ARHGEF1: variants seen among roughly 807,000 people sequenced by gnomAD.
ARHGEF1 encodes the protein Rho guanine nucleotide exchange factor 1.
Under a neutral mutation model 119.7 loss-of-function variants are expected in ARHGEF1, and 40 were observed. The observed-to-expected ratio is 0.33, with a 90% confidence interval of 0.26 to 0.44. The LOEUF is 0.44. Among genes scored for constraint, ARHGEF1 ranks in the 20% least tolerant of loss-of-function variants. The probability of loss-of-function intolerance (pLI) is 1.00; values close to 1 mark genes in which losing one functional copy is unlikely to be tolerated. For missense variants in ARHGEF1, 976 were observed against 1,268.3 expected (o/e 0.77, Z 3.50); for synonymous variants, 494 against 521.0 (o/e 0.95, Z 0.71).
upstream of ARHGEF1, among the ~76,000 whole-genome samples, chr19:41,918,359 C>G (rs2074814974): frequency 6.6e-6 from 1 of 150,894 alleles, no homozygotes. Context: ...ACCATACACA[C>G]ACCATACCAC....
chr19:41,897,083 C>A (rs1350130722), intron 13 of ARHGEF1: 1 of 371,040 alleles, frequency 2.7e-6, no homozygotes, highest in Non-Finnish European at 5.2e-6. Flanking sequence ...TTCAAGCCCC[C>A]CTGCCCCCTG....
chr19:41,907,326 C>T lies in ARHGEF1; in HGVS notation c.*239C>T, dbSNP rs782695955. On this transcript the variant is annotated 3_prime_UTR_variant, in exon 29 of 29. Transcript: ENST00000354532. The stretch of plus-strand genomic sequence containing the variant: ...CAGGGCTCCATTCTGGAGGGCACCA[C>T]GGTGACCCGGGCCATCTCAGTATTG... 2.8e-5 allele frequency: 43 copies of T among 1,534,314 alleles called. No homozygotes were observed. The highest frequency in any genetic ancestry group is 3.6e-5 in the South Asian group (3 of 83,806).
intron 18 of ARHGEF1, among the ~76,000 whole-genome samples, chr19:41,915,688 C>T (rs2145894769): frequency 6.6e-6 from 1 of 152,122 alleles, no homozygotes; most frequent in East Asian, 1.9e-4. Flanking sequence ...TCCATGTCTC[C>T]ATCTCCATGT....
chr19:41,929,044 G>GAC (rs375162123), intron 2 of ARHGEF1: 10 of 379,078 alleles, frequency 2.6e-5, no homozygotes, highest in South Asian at 7.5e-5. Context: ...GACAGACACA[G>GAC]ACACACACAC....
intron 14 of ARHGEF1, among the ~76,000 whole-genome samples, chr19:41,899,986 T>G (rs1247874856): frequency 1.3e-5 from 2 of 151,898 alleles, no homozygotes; most frequent in African/African-American, 4.8e-5. Flanking sequence ...GAAATGTGCT[T>G]TATTTGTACT....
intron 1 of ARHGEF1, among the ~76,000 whole-genome samples, chr19:41,927,506 A>G (rs2074878522): frequency 1.3e-5 from 2 of 151,874 alleles, no homozygotes; most frequent in African/African-American, 4.8e-5. Context: ...CCAGATATCC[A>G]CACCCCCAGT....
Position 41,883,789 on chromosome 19 carries a change from G to C in ARHGEF1, c.-20+500G>C, listed in dbSNP as rs1432024128. Among the ~76,000 whole-genome samples, 1 of 152,238 alleles carries C rather than the reference G, an allele frequency of 6.6e-6. No homozygotes were observed. The highest frequency in any genetic ancestry group is 1.5e-5 in the Non-Finnish European group (1 of 68,040). ...AAGCTGAAAGTTGCAGAGTGCATTT[G>C]AAAGAGTTTTCGGAAAGCTCTTTTC... On this transcript the variant is annotated intron_variant, in intron 1 of 28. Transcript: ENST00000354532. This position sits in a 1 kb window ranked among gnomAD's most constrained non-coding sequence, Gnocchi z 7.6.
At position 41,892,340 on chromosome 19, in the gene ARHGEF1, G is replaced by A. The variant is rs1477750164; in HGVS notation, c.334G>A (p.Val112Met). The change falls in exon 6 of 29, where the codon GTG becomes ATG. Residue 112 changes from valine (V) to methionine (M), a missense_variant. This residue lies in a region of ARHGEF1 where 519 missense variants were observed against 580.9 expected (regional missense o/e 0.89). Coordinates refer to ENST00000354532, the MANE Select transcript of ARHGEF1 (RefSeq NM_004706.4). This position sits in a 1 kb window ranked among gnomAD's most constrained non-coding sequence, Gnocchi z 6.3. Reference protein sequence around the residue: ...SFLEKTAVLRVPVPPNVAFEL... With the variant: ...SFLEKTAVLRMPVPPNVAFEL... ...TCTCTCTCTTGAGCAGGTTCTCCGG[G>A]TGCCGGTCCCTCCCAACGTCGCCTT... is the stretch of plus-strand genomic sequence containing the variant. 1 of 1,613,836 alleles carries A rather than the reference G, an allele frequency of 6.2e-7. No individual in the cohort carries two copies. The highest frequency in any genetic ancestry group is 8.5e-7 in the Non-Finnish European group (1 of 1,180,042).
Position 41,906,303 on chromosome 19 carries a change from C to T in ARHGEF1, c.2492-154C>T, listed in dbSNP as rs549360747. 1 of 776,696 alleles carries T rather than the reference C, an allele frequency of 1.3e-6. No homozygotes were observed. The highest frequency in any genetic ancestry group is 2.1e-6 in the Non-Finnish European group (1 of 485,852). 48.1% of individuals were successfully genotyped at this position (776,696 alleles called of 1,614,324 possible). ...AACCCTAAACCCAGCCTCACTTCTTCACCTCCCTTTGGATCCCCGAACCCC... is the reference window on the plus strand; with the variant it reads ...AACCCTAAACCCAGCCTCACTTCTTTACCTCCCTTTGGATCCCCGAACCCC... On this transcript the variant is annotated intron_variant, in intron 26 of 28. Coordinates refer to ENST00000354532, the MANE Select transcript of ARHGEF1 (RefSeq NM_004706.4). This position sits in a 1 kb window ranked among gnomAD's most constrained non-coding sequence, Gnocchi z 4.5.
In ARHGEF1 at chr19:41,907,257, T is replaced by C. The variant is rs1555850520; in HGVS notation, c.*170T>C. On this transcript the variant is annotated 3_prime_UTR_variant, in exon 29 of 29. Coordinates refer to ENST00000354532, the MANE Select transcript of ARHGEF1 (RefSeq NM_004706.4). ...CCCAGCTGGGGTTACTGGCCCCGCA[T>C]GAGCCTCGGCCATCTCTCCCTCCTG... The C allele has an allele frequency of 1.3e-6, 2 of 1,524,606 alleles. No homozygotes were observed. Among genetic ancestry groups the C allele is most frequent in the Admixed American group, 2.0e-5 (1 of 49,844 alleles). The allele number at this position is 1,524,606 out of a possible 1,614,324, so 94.4% of individuals were successfully genotyped here.
upstream of ARHGEF1, among the ~76,000 whole-genome samples, chr19:41,920,120 C>T (rs181051660): frequency 2.6e-5 from 3 of 113,334 alleles, no homozygotes; most frequent in Non-Finnish European, 5.2e-5. Flanking sequence ...AGACATGACA[C>T]GCTCACACAT....
In ARHGEF1 at chr19:41,902,166, G is replaced by A; in HGVS notation, c.1415-108G>A. On this transcript the variant is annotated intron_variant, in intron 15 of 28. Coordinates refer to ENST00000354532, the MANE Select transcript of ARHGEF1 (RefSeq NM_004706.4). This position sits in a 1 kb window ranked among gnomAD's most constrained non-coding sequence, Gnocchi z 6.5. ...GGGCAGATACGCCATCCGGTCCCGA[G>A]GATCAGACACAGACACACCTGCAGC... is the stretch of plus-strand genomic sequence containing the variant. The A allele has an allele frequency of 1.9e-6, 3 of 1,561,974 alleles. No homozygotes were observed. The highest frequency in any genetic ancestry group is 1.8e-6 in the Non-Finnish European group (2 of 1,142,814).
Position 41,892,805 on chromosome 19 carries a change from G to A in ARHGEF1, c.570G>A (p.Glu190=), listed in dbSNP as rs2074398679. Residue 190 remains glutamate, a synonymous_variant, in exon 7 of 29, where the codon GAG becomes GAA. Coordinates refer to ENST00000354532, the MANE Select transcript of ARHGEF1 (RefSeq NM_004706.4). This position sits in a 1 kb window ranked among gnomAD's most constrained non-coding sequence, Gnocchi z 6.3. The part of the protein sequence containing the change: ...GRDRASYEAR[E]RHVAERLLMH... ...ACCGAGCCAGCTACGAGGCCCGGGAGCGGCACGTGGCGGAGCGGCTGCTCA... is the reference window on the plus strand; with the variant it reads ...ACCGAGCCAGCTACGAGGCCCGGGAACGGCACGTGGCGGAGCGGCTGCTCA... 1.3e-6 allele frequency: 2 copies of A among 1,589,142 alleles called. No homozygotes were observed. The highest frequency in any genetic ancestry group is 1.7e-6 in the Non-Finnish European group (2 of 1,170,980).
upstream of ARHGEF1, among the ~76,000 whole-genome samples, chr19:41,918,543 TAC>T (rs782505434): frequency 2.6e-5 from 3 of 113,988 alleles, no homozygotes; most frequent in African/African-American, 7.1e-5. Flanking sequence ...ACACTCACCA[TAC>T]ACACACACAT....
downstream of ARHGEF1, chr19:41,909,762 G>A (rs2074741976): frequency 7.6e-7 from 1 of 1,316,518 alleles, no homozygotes; most frequent in Non-Finnish European, 1.0e-6. This position sits in a 1 kb window ranked among gnomAD's most constrained non-coding sequence, Gnocchi z 5.2. Flanking sequence ...CCTGTGCCTT[G>A]TGGGATCCAG....
chr19:41,887,134 C>T (rs183437272), intron 1 of ARHGEF1, among the ~76,000 whole-genome samples: 24 of 152,194 alleles, frequency 1.6e-4, no homozygotes, highest in African/African-American at 5.5e-4. Context: ...GGCACAGAGA[C>T]AGGGACAGGA....
intron 14 of ARHGEF1, among the ~76,000 whole-genome samples, chr19:41,899,073 G>T (rs1388077586): frequency 6.6e-6 from 1 of 151,680 alleles, no homozygotes; most frequent in Non-Finnish European, 1.5e-5. Flanking sequence ...GCTCACTGCA[G>T]CCTTACCCTC....
chr19:41,892,631 G>A lies in ARHGEF1; in HGVS notation c.396G>A (p.Glu132=), dbSNP rs1555846465. 2.5e-6 allele frequency: 4 copies of A among 1,610,994 alleles called. No individual in the cohort carries two copies. In the Admixed American group the frequency reaches 6.7e-5, roughly 27 times the overall value. Reference sequence around the variant, plus strand: ...GCACTAGGGCTGACCTCATCTCCGAGGATGTCCAGCGGCGGTTCGTGCAGG... The same window carrying A: ...GCACTAGGGCTGACCTCATCTCCGAAGATGTCCAGCGGCGGTTCGTGCAGG... The part of the protein sequence containing the change: ...LDRTRADLIS[E]DVQRRFVQEV... Residue 132 remains glutamate (E), a synonymous_variant, in exon 7 of 29, where the codon GAG becomes GAA. Transcript: ENST00000354532. The surrounding 1 kb of genome is among the most constrained non-coding windows in gnomAD (Gnocchi z 6.3).
At chr19:41,901,760 G>C in intron 14 of ARHGEF1, 127 bp from the exon 15 acceptor site, 1 of 1,229,066 alleles carries the variant, frequency 8.1e-7, no homozygotes, top group Non-Finnish European at 1.1e-6. Context: ...GCCAGAGAGA[G>C]TTTTTTCCCA....
Sources: allele counts gnomAD v4.1 joint callset (sites outside exome capture counted in the v4.1 genomes callset), GRCh38; gene constraint gnomAD v4.1.1; regional missense constraint gnomAD v4.1.1; non-coding constraint Gnocchi (gnomAD v3.1); transcripts MANE v1.5; gene names NCBI Gene and HGNC (gene_info 2026-07-23, HGNC 2026-07-21).